The following BBS12 variants were observed in gnomAD, a reference collection of about 807,000 sequenced individuals.
BBS12 encodes the protein Bardet-Biedl syndrome 12.
In BBS12, 5 loss-of-function variants were observed where a neutral mutation model predicts 5.6. The observed-to-expected ratio is 0.89, with a 90% CI of 0.46 to 1.86. The LOEUF is 1.86. Ranked by LOEUF, BBS12 falls within the 40% of genes most tolerant of loss-of-function variation. The pLI, the probability that BBS12 is intolerant of heterozygous loss-of-function variation, is 0.01. For synonymous variants in BBS12, 308 were observed against 306.8 expected, an observed-to-expected ratio of 1.00 and a Z score of -0.04; for missense variants, 748 against 830.4, an observed-to-expected ratio of 0.90 and a Z score of 1.22.
the BBS12 span, among the ~76,000 whole-genome samples, chr4:122,726,712 A>G: frequency 6.6e-6 from 1 of 152,248 alleles, no homozygotes. Context: ...CCAAATGCCC[A>G]TCAATCAACA....
intron 1 of BBS12, chr4:122,734,056 C>T (rs1488448551): frequency 6.6e-6 from 1 of 152,006 alleles, no homozygotes; most frequent in Non-Finnish European, 1.5e-5. Context: ...GTATTGTAAT[C>T]ATTGATAAAA....
At chr4:122,730,291 T>A (rs1800681204), upstream of BBS12, 3 of 152,226 alleles carry the variant, frequency 2.0e-5, no homozygotes, top group Non-Finnish European at 4.4e-5. Flanking sequence ...GACCTAAGGT[T>A]CTCAAAAGAG....
chr4:122,718,066 T>C, the BBS12 span, among the ~76,000 whole-genome samples: 1 of 152,176 alleles, frequency 6.6e-6, no homozygotes, highest in Non-Finnish European at 1.5e-5. Context: ...ATGATGATAA[T>C]AGCATCCAAT....
chr4:122,742,863 C>T lies in BBS12; in HGVS notation c.971C>T (p.Pro324Leu), dbSNP rs1800905075. Residue 324 changes from proline (P) to leucine (L), a missense_variant, in exon 2 of 2, where the codon CCT becomes CTT. Pro to Leu is a moderately conservative substitution (Grantham distance 98). Coordinates refer to ENST00000314218, the MANE Select transcript of BBS12 (RefSeq NM_152618.3). ...TTCACTTGCTGTCTACCAGGCTTAC[C>T]TGAAACTTCTTCTTGTGTTTGTCCA... ...RIFTCCLPGL[P>L]ETSSCVCPGY... 6.2e-7 allele frequency: 1 copy of T among 1,614,068 alleles called. No homozygotes were observed. Among genetic ancestry groups the T allele is most frequent in the South Asian group, 1.1e-5 (1 of 91,080 alleles).
rs752254471 is a variant in BBS12 at position 122,743,031 on chromosome 4, C to T, written c.1139C>T (p.Thr380Ile). ...TTTAATAAGTCTGCAAATATTAAAA[C>T]AGTATTAGATAGCATGCGGCTTCAA... ...LGFNKSANIK[T>I]VLDSMRLQED... The change falls in exon 2 of 2, where the codon ACA becomes ATA. Residue 380 changes from threonine (T) to isoleucine (I), a missense_variant. Coordinates refer to ENST00000314218, the MANE Select transcript of BBS12 (RefSeq NM_152618.3). The T allele has an allele frequency of 4.3e-5, 70 of 1,614,094 alleles. No homozygotes were observed. In the South Asian group the frequency reaches 6.5e-4, roughly 15 times the overall value.
the BBS12 span, among the ~76,000 whole-genome samples, chr4:122,727,643 T>A: frequency 2.1e-5 from 3 of 140,648 alleles, no homozygotes; most frequent in Non-Finnish European, 4.5e-5. Context: ...CACCTCCGCC[T>A]CCGGGGTTCA....
chr4:122,724,599 A>T, the BBS12 span, among the ~76,000 whole-genome samples: 1 of 152,202 alleles, frequency 6.6e-6, no homozygotes, highest in Non-Finnish European at 1.5e-5. Context: ...TAAAATTTAT[A>T]AATTTCAACA....
upstream of BBS12, chr4:122,731,331 C>T (rs1042273436): frequency 6.6e-6 from 1 of 152,190 alleles, no homozygotes; most frequent in Non-Finnish European, 1.5e-5. Flanking sequence ...CCCATTCTCT[C>T]TATCCTGCAA....
the BBS12 span, among the ~76,000 whole-genome samples, chr4:122,716,704 T>C: frequency 1.1e-4 from 15 of 131,694 alleles, no homozygotes; most frequent in Admixed American, 5.2e-4. Flanking sequence ...TGTGTGTGTA[T>C]ACATACACAT....
the BBS12 span, among the ~76,000 whole-genome samples, chr4:122,710,629 A>G: frequency 6.6e-6 from 1 of 152,238 alleles, no homozygotes; most frequent in Non-Finnish European, 1.5e-5. Flanking sequence ...AGCAGGGGAC[A>G]GTGAAGGGGA....
At chr4:122,715,185 A>G in the BBS12 span, among the ~76,000 whole-genome samples, 1 of 151,846 alleles carries the variant, frequency 6.6e-6, no homozygotes, top group Non-Finnish European at 1.5e-5. Context: ...TAGCCAGCAT[A>G]GATAAGAAAA....
chr4:122,729,566 A>T (rs1407931103), upstream of BBS12: 3 of 152,246 alleles, frequency 2.0e-5, no homozygotes, highest in Non-Finnish European at 4.4e-5. Context: ...GGGAATTTTT[A>T]AAACTTCTCT....
chr4:122,743,153 C>T lies in BBS12; in HGVS notation c.1261C>T (p.Arg421Cys), dbSNP rs199596849. The T allele has an allele frequency of 1.7e-5, 28 of 1,614,084 alleles. No homozygotes were observed. Among genetic ancestry groups the T allele is most frequent in the African/African-American group, 2.7e-5 (2 of 74,924 alleles). Residue 421 changes from arginine to cysteine, a missense_variant, in exon 2 of 2, where the codon CGC becomes TGC. Coordinates refer to ENST00000314218, the MANE Select transcript of BBS12 (RefSeq NM_152618.3). ...CCTGGTACAAGGAAATGTGTCCGAA[C>T]GCTTAATTGAAAAATGTATAAACAG... ...LVLVQGNVSE[R>C]LIEKCINSKR...
At chr4:122,716,987 C>T in the BBS12 span, among the ~76,000 whole-genome samples, 1 of 151,986 alleles carries the variant, frequency 6.6e-6, no homozygotes, top group Admixed American at 6.6e-5. Context: ...TAAATCAAAC[C>T]ACACCCTCAC....
At position 122,742,947 on chromosome 4, in the gene BBS12, A is replaced by G. The variant is rs767068756; in HGVS notation, c.1055A>G (p.Gln352Arg). ...CCTGTGATCAAGGAATTGCAGAATC[A>G]GCCTGTGCGAATAGTTCTCATTGAG... is the stretch of plus-strand genomic sequence containing the variant. ...NNPVIKELQN[Q>R]PVRIVLIEGD... Residue 352 changes from glutamine (Q) to arginine (R), a missense_variant, in exon 2 of 2, where the codon CAG becomes CGG. Physicochemically the swap from Gln to Arg is conservative, Grantham distance 43. Transcript: ENST00000314218. 5 of 1,614,238 alleles carry G rather than the reference A, an allele frequency of 3.1e-6. No homozygotes were observed. In the African/African-American group the frequency reaches 5.3e-5, roughly 17 times the overall value.
At chr4:122,741,386 C>T (rs1362194860) in intron 1 of BBS12, among the ~76,000 whole-genome samples, 1 of 152,140 alleles carries the variant, frequency 6.6e-6, no homozygotes, top group Non-Finnish European at 1.5e-5. Context: ...GAGGTTTCGC[C>T]ATATTGGCCA....
At chr4:122,716,695 G>GTGTA in the BBS12 span, among the ~76,000 whole-genome samples, 19 of 109,718 alleles carry the variant, frequency 1.7e-4, no homozygotes, top group African/African-American at 7.5e-4. Flanking sequence ...ATATGTGTAT[G>GTGTA]TGTGTGTATA....
chr4:122,724,886 C>T, the BBS12 span, among the ~76,000 whole-genome samples: 1 of 152,144 alleles, frequency 6.6e-6, no homozygotes, highest in Non-Finnish European at 1.5e-5. Flanking sequence ...ACAAAACTTT[C>T]CCTTACTCCA....
the BBS12 span, among the ~76,000 whole-genome samples, chr4:122,718,177 CAGAGT>C: frequency 6.6e-6 from 1 of 152,160 alleles, no homozygotes. Context: ...ACTACTTCAT[CAGAGT>C]AAATAAAAAT....
Sources: allele counts gnomAD v4.1 joint callset (sites outside exome capture counted in the v4.1 genomes callset), GRCh38; gene constraint gnomAD v4.1.1; transcripts MANE v1.5; gene names NCBI Gene and HGNC (gene_info 2026-07-23, HGNC 2026-07-21).